TBC1D22A: variants seen among roughly 807,000 people sequenced by gnomAD.
TBC1D22A encodes putative GTPase activator.
TBC1D22A carries 38 observed loss-of-function variants against 60.2 expected under a neutral mutation model. The observed-to-expected ratio is 0.63, with a 90% CI of 0.49 to 0.83. The LOEUF is 0.83. TBC1D22A is among the 40% of genes least tolerant of loss of function. The probability of loss-of-function intolerance (pLI) is 0.00; values close to 1 mark genes in which losing one functional copy is unlikely to be tolerated. For synonymous variants in TBC1D22A, 302 were observed against 281.7 expected, an observed-to-expected ratio of 1.07 and a Z score of -0.72; for missense variants, 628 against 701.0, an observed-to-expected ratio of 0.90 and a Z score of 1.18.
chr22:46,768,206 C>G (rs541565559), intron 1 of TBC1D22A: 1 of 152,496 alleles, frequency 6.6e-6, no homozygotes, highest in Non-Finnish European at 1.5e-5. Flanking sequence ...AAGGTTTGGC[C>G]GGGCGCGGTG....
At chr22:46,785,382 A>G (rs955583381) in intron 1 of TBC1D22A, among the ~76,000 whole-genome samples, 28 of 152,338 alleles carry the variant, frequency 1.8e-4, no homozygotes, top group African/African-American at 6.0e-4. Context: ...GGAACCCAAG[A>G]GGACCAGGTA....
Position 46,804,111 on chromosome 22 carries a change from G to A in TBC1D22A, c.637+6491G>A, listed in dbSNP as rs542302269. Among the ~76,000 whole-genome samples the A allele has an allele frequency of 1.1e-3, 174 of 152,294 alleles. 1 individual carries two copies. Among genetic ancestry groups the A allele is most frequent in the African/African-American group, 3.8e-3 (160 of 41,566 alleles). The stretch of plus-strand genomic sequence containing the variant: ...GATGGCACCTCCTTGAGCCAAGGAC[G>A]GGCTTTCCCAACCGTGTGACTCTGG... On this transcript the variant is annotated intron_variant, in intron 4 of 12. Coordinates refer to ENST00000337137, the MANE Select transcript of TBC1D22A (RefSeq NM_014346.5).
chr22:47,078,823 G>T (rs1603243434), intron 11 of TBC1D22A, among the ~76,000 whole-genome samples: 2 of 152,274 alleles, frequency 1.3e-5, no homozygotes, highest in Middle Eastern at 3.4e-3. Flanking sequence ...CTATCACATG[G>T]TAGGAATGCT....
intron 8 of TBC1D22A, chr22:46,915,977 G>C (rs1461899795): frequency 2.2e-6 from 1 of 453,668 alleles, no homozygotes; most frequent in Non-Finnish European, 4.4e-6. Flanking sequence ...GATGTGGTGG[G>C]CTTCAGATTC....
intron 4 of TBC1D22A, among the ~76,000 whole-genome samples, chr22:46,813,068 G>A (rs2085452819): frequency 6.6e-6 from 1 of 152,206 alleles, no homozygotes. Context: ...CTGTATGCAG[G>A]CCACTGCATT....
At chr22:47,020,386 C>T (rs2062045087) in intron 10 of TBC1D22A, among the ~76,000 whole-genome samples, 2 of 152,168 alleles carry the variant, frequency 1.3e-5, no homozygotes, top group East Asian at 3.9e-4. Flanking sequence ...CGTCTTCAAC[C>T]TCGCTGTAGA....
intron 12 of TBC1D22A, among the ~76,000 whole-genome samples, chr22:47,152,172 T>G (rs955101495): frequency 6.6e-6 from 1 of 152,208 alleles, no homozygotes; most frequent in Non-Finnish European, 1.5e-5. Flanking sequence ...TGAGATAAAT[T>G]GTTACTAATG....
intron 8 of TBC1D22A, among the ~76,000 whole-genome samples, chr22:46,960,930 G>C (rs984281227): frequency 1.4e-5 from 2 of 141,560 alleles, no homozygotes; most frequent in Non-Finnish European, 3.0e-5. Context: ...ACTCCAGCCT[G>C]GGAGACAGAG....
At chr22:46,807,201 G>T (rs2085182089) in intron 4 of TBC1D22A, among the ~76,000 whole-genome samples, 1 of 151,992 alleles carries the variant, frequency 6.6e-6, no homozygotes, top group African/African-American at 2.4e-5. Context: ...AGGATCAACA[G>T]CAGCAGGATT....
chr22:46,973,715 T>G (rs1467380441), intron 8 of TBC1D22A, among the ~76,000 whole-genome samples: 1 of 152,262 alleles, frequency 6.6e-6, no homozygotes, highest in African/African-American at 2.4e-5. Flanking sequence ...TTAAAAACTT[T>G]TAGATTGTGT....
rs2148397507 is a variant in TBC1D22A, at chr22:47,037,207, T to C, written c.1329+9T>C. 1 of 1,612,758 alleles carries C rather than the reference T, an allele frequency of 6.2e-7. No homozygotes were observed. Among genetic ancestry groups the C allele is most frequent in the African/African-American group, 1.3e-5 (1 of 75,048 alleles). ...TGTGGGACACCTACCAGGTGAGCTCTCCTTCGCACCCTCCGCCATGGGGGT... is the reference window on the plus strand; with the variant it reads ...TGTGGGACACCTACCAGGTGAGCTCCCCTTCGCACCCTCCGCCATGGGGGT... On this transcript the variant is annotated intron_variant, in intron 11 of 12. Transcript: ENST00000337137.
At chr22:46,961,495 A>T (rs1241153629) in intron 8 of TBC1D22A, among the ~76,000 whole-genome samples, 1 of 152,252 alleles carries the variant, frequency 6.6e-6, no homozygotes, top group African/African-American at 2.4e-5. Context: ...GCTTGTATCC[A>T]CATGAAACAA....
intron 11 of TBC1D22A, among the ~76,000 whole-genome samples, chr22:47,099,305 GGAAGGCATGA>G (rs1265591089): frequency 6.6e-6 from 1 of 152,164 alleles, no homozygotes; most frequent in Non-Finnish European, 1.5e-5. Flanking sequence ...AGGGTTTTCA[GGAAGGCATGA>G]GAGGCTGGGG....
intron 6 of TBC1D22A, among the ~76,000 whole-genome samples, chr22:46,893,645 G>A (rs1012063419): frequency 1.3e-5 from 2 of 152,222 alleles, no homozygotes; most frequent in African/African-American, 4.8e-5. Flanking sequence ...CAATTAGGCC[G>A]CCAGGACACC....
intron 4 of TBC1D22A, among the ~76,000 whole-genome samples, chr22:46,838,731 C>T (rs536518033): frequency 6.6e-6 from 1 of 152,066 alleles, no homozygotes; most frequent in African/African-American, 2.4e-5. Context: ...TGGGATTTAT[C>T]GCTGGGATGC....
intron 8 of TBC1D22A, among the ~76,000 whole-genome samples, chr22:46,941,609 C>CGGAATATATATACGGAATATATATACGT (rs2072104799): frequency 7.3e-6 from 1 of 137,574 alleles, no homozygotes; most frequent in African/African-American, 2.7e-5. Flanking sequence ...TATATATACG[C>CGGAATATATATACGGAATATATATACGT]GGAATATATA....
intron 1 of TBC1D22A, among the ~76,000 whole-genome samples, chr22:46,791,886 C>T (rs191321252): frequency 4.6e-5 from 7 of 152,230 alleles, no homozygotes; most frequent in African/African-American, 7.2e-5. Context: ...TCAGCCTTCC[C>T]GGTAGCTAGG....
intron 8 of TBC1D22A, among the ~76,000 whole-genome samples, chr22:46,958,489 C>T (rs2073330217): frequency 6.6e-6 from 1 of 152,198 alleles, no homozygotes; most frequent in Non-Finnish European, 1.5e-5. Context: ...CCTGGGTGTC[C>T]GTCTCACCGT....
intron 9 of TBC1D22A, among the ~76,000 whole-genome samples, chr22:46,989,364 C>A (rs1295868759): frequency 2.0e-5 from 3 of 151,960 alleles, no homozygotes; most frequent in Non-Finnish European, 4.4e-5. Context: ...AAAAAAAAGG[C>A]CTACTTTTGG....
Sources: gnomAD v4.1 joint callset for allele counts (sites outside exome capture counted in the v4.1 genomes callset) on GRCh38, gnomAD v4.1.1 for gene constraint, MANE v1.5 for transcripts, NCBI Gene and HGNC (gene_info 2026-07-23, HGNC 2026-07-21) for gene names.